SDK1: variants seen among roughly 807,000 people sequenced by gnomAD.
SDK1 encodes sidekick cell adhesion molecule 1, also known as protein sidekick-1.
Under a neutral mutation model 245.5 loss-of-function variants are expected in SDK1, and 157 were observed. That is an observed-to-expected ratio of 0.64 (90% CI 0.56 to 0.73). The LOEUF is 0.73. SDK1 is among the 30% of genes least tolerant of loss of function. The pLI, the probability that SDK1 is intolerant of heterozygous loss-of-function variation, is 0.00. For synonymous variants in SDK1, 1,647 were observed against 1,278.5 expected, an observed-to-expected ratio of 1.29 and a Z score of -6.15; for missense variants, 3,583 against 3,002.3, an observed-to-expected ratio of 1.19 and a Z score of -4.52.
intron 32 of SDK1, among the ~76,000 whole-genome samples, chr7:4,172,552 A>G (rs1051259098): frequency 1.2e-4 from 18 of 152,210 alleles, no homozygotes; most frequent in Non-Finnish European, 2.2e-4. Flanking sequence ...TCAGATAGTG[A>G]GGACCAGAGA....
At chr7:3,997,688 G>A (rs1784781606) in intron 14 of SDK1, among the ~76,000 whole-genome samples, 1 of 152,136 alleles carries the variant, frequency 6.6e-6, no homozygotes, top group Admixed American at 6.5e-5. Context: ...ATGCGGATTG[G>A]TCAATGGGTG....
At chr7:3,550,030 T>C (rs1583154825) in intron 1 of SDK1, among the ~76,000 whole-genome samples, 1 of 152,200 alleles carries the variant, frequency 6.6e-6, no homozygotes, top group East Asian at 1.9e-4. Flanking sequence ...AGCACAGTTA[T>C]CAAAATAATG....
At chr7:3,746,652 T>C (rs1226867107) in intron 4 of SDK1, among the ~76,000 whole-genome samples, 1 of 152,240 alleles carries the variant, frequency 6.6e-6, no homozygotes, top group East Asian at 1.9e-4. Flanking sequence ...TTTCTTTGCT[T>C]ATCCATAAGA....
intron 4 of SDK1, among the ~76,000 whole-genome samples, chr7:3,655,584 A>G (rs1365218460): frequency 6.8e-6 from 1 of 148,074 alleles, no homozygotes; most frequent in Non-Finnish European, 1.5e-5. Context: ...CCTCTTACAT[A>G]CACTTGCTTA....
chr7:3,341,315 T>C (rs1018935060), intron 1 of SDK1, among the ~76,000 whole-genome samples: 2 of 152,168 alleles, frequency 1.3e-5, no homozygotes, highest in Non-Finnish European at 2.9e-5. Flanking sequence ...CATTCATTCA[T>C]GATTAAAAAT....
chr7:3,637,603 C>T (rs1227679347), intron 2 of SDK1, among the ~76,000 whole-genome samples: 2 of 152,166 alleles, frequency 1.3e-5, no homozygotes, highest in African/African-American at 4.8e-5. Context: ...TCCTAATTTA[C>T]AAAACCAGCA....
chr7:3,518,402 A>T (rs1313777982), intron 1 of SDK1, among the ~76,000 whole-genome samples: 4 of 152,096 alleles, frequency 2.6e-5, no homozygotes, highest in Admixed American at 6.6e-5. Context: ...AAGACAACCT[A>T]CAGAATGGGA....
At chr7:3,443,924 C>A (rs1373623585) in intron 1 of SDK1, among the ~76,000 whole-genome samples, 8 of 152,198 alleles carry the variant, frequency 5.3e-5, no homozygotes, top group Non-Finnish European at 1.5e-5. Context: ...GATGTGAACA[C>A]AGAGTGCTAT....
intron 1 of SDK1, among the ~76,000 whole-genome samples, chr7:3,446,239 G>A (rs11977306): frequency 6.6e-6 from 1 of 151,926 alleles, no homozygotes; most frequent in Admixed American, 6.6e-5. Flanking sequence ...TATGCTGTCT[G>A]TAACCTTGAA....
rs533475342 is a variant in SDK1, at chr7:3,709,828, A to G, written c.713+67723A>G. Among the ~76,000 whole-genome samples, 5 of 152,348 alleles carry G rather than the reference A, an allele frequency of 3.3e-5. No individual in the cohort carries two copies. In the East Asian group the frequency reaches 9.6e-4, roughly 29 times the overall value. ...AAGGGAACTTGGCCCACCAAAGGGT[A>G]GAAGCTGTAGGCTCTCTCCTCCTGC... On this transcript the variant is annotated intron_variant, in intron 4 of 44. Coordinates refer to ENST00000404826, the MANE Select transcript of SDK1 (RefSeq NM_152744.4).
Position 3,382,655 on chromosome 7 carries a change from T to G in SDK1, c.298+80771T>G, listed in dbSNP as rs1405404583. 3.3e-5 allele frequency among the ~76,000 whole-genome samples: 5 copies of G among 152,218 alleles called. No homozygotes were observed. In the East Asian group the frequency reaches 9.6e-4, roughly 29 times the overall value. On this transcript the variant is annotated intron_variant, in intron 1 of 44. Coordinates refer to ENST00000404826, the MANE Select transcript of SDK1 (RefSeq NM_152744.4). The stretch of plus-strand genomic sequence containing the variant: ...TTTGAATATGATAATATACTTTAAA[T>G]GAGTATGTTTGATTAGCGATGTTGC...
intron 35 of SDK1, among the ~76,000 whole-genome samples, chr7:4,183,843 G>T (rs1474736507): frequency 1.3e-5 from 2 of 152,184 alleles, no homozygotes; most frequent in Non-Finnish European, 2.9e-5. Flanking sequence ...CACGGCCCCT[G>T]CATCCAGGTC....
intron 4 of SDK1, among the ~76,000 whole-genome samples, chr7:3,783,608 T>C (rs1042388481): frequency 6.6e-6 from 1 of 152,182 alleles, no homozygotes; most frequent in Admixed American, 6.5e-5. Flanking sequence ...GGGAACAATT[T>C]CATTTACAAC....
At chr7:3,961,910 C>T (rs1022789263) in intron 8 of SDK1, among the ~76,000 whole-genome samples, 1 of 152,114 alleles carries the variant, frequency 6.6e-6, no homozygotes, top group Non-Finnish European at 1.5e-5. Context: ...TGCACATATA[C>T]ATACACAGAT....
intron 1 of SDK1, among the ~76,000 whole-genome samples, chr7:3,509,653 T>A (rs1181374688): frequency 6.6e-6 from 1 of 152,136 alleles, no homozygotes; most frequent in African/African-American, 2.4e-5. Context: ...CTTCCTCAAC[T>A]GTGCTTACCT....
chr7:4,212,735 G>A (rs1174794846), intron 38 of SDK1, among the ~76,000 whole-genome samples: 2 of 152,222 alleles, frequency 1.3e-5, no homozygotes, highest in Non-Finnish European at 2.9e-5. Flanking sequence ...ATGAGCCTGT[G>A]TTACAAATGC....
chr7:3,643,489 C>T (rs1335796957), intron 4 of SDK1: 2 of 150,546 alleles, frequency 1.3e-5, no homozygotes, highest in Non-Finnish European at 2.9e-5. Context: ...TCTCCCACTC[C>T]CACCTGAGCA....
chr7:3,631,431 T>A (rs1444516618), intron 2 of SDK1, among the ~76,000 whole-genome samples: 1 of 152,210 alleles, frequency 6.6e-6, no homozygotes, highest in Non-Finnish European at 1.5e-5. Flanking sequence ...ATGTTCAGCT[T>A]TCATTTTCCT....
intron 1 of SDK1, among the ~76,000 whole-genome samples, chr7:3,314,756 A>G (rs1234436982): frequency 6.6e-6 from 1 of 152,202 alleles, no homozygotes; most frequent in Non-Finnish European, 1.5e-5. Flanking sequence ...TAGCAATTAA[A>G]ATATTATAAT....
Sources: gnomAD v4.1 joint callset for allele counts (sites outside exome capture counted in the v4.1 genomes callset) on GRCh38, gnomAD v4.1.1 for gene constraint, MANE v1.5 for transcripts, NCBI Gene and HGNC (gene_info 2026-07-23, HGNC 2026-07-21) for gene names.